Variants in CDK5RAP2 observed in about 807,000 individuals in gnomAD.
CDK5RAP2 encodes the protein CDK5 regulatory subunit associated protein 2.
CDK5RAP2 carries 147 observed loss-of-function variants against 232.9 expected under a neutral mutation model. The observed-to-expected ratio is 0.63, with a 90% CI of 0.55 to 0.72. The LOEUF (loss-of-function observed/expected upper bound fraction) is 0.72, where lower values mean the gene tolerates loss of function less well. Ranked by LOEUF, CDK5RAP2 falls within the 30% of genes least tolerant of loss-of-function variation. The pLI is 0.00. For synonymous variants in CDK5RAP2, 833 were observed against 833.7 expected, an observed-to-expected ratio of 1.00 and a Z score of 0.01; for missense variants, 2,195 against 2,231.5, an observed-to-expected ratio of 0.98 and a Z score of 0.33.
At position 120,392,619 on chromosome 9, in the gene CDK5RAP2, C is replaced by T. The variant is rs558258152; in HGVS notation, c.5578+1893G>A. Among the ~76,000 whole-genome samples the T allele has an allele frequency of 6.6e-5, 10 of 152,312 alleles. No individual in the cohort carries two copies. The East Asian group carries it at 1.9e-3, about 29-fold the overall frequency. The stretch of plus-strand genomic sequence containing the variant: ...CTATGCAGAGCATTGCTCCCCACCC[C>T]ACTGCTGCTCCAAGAGTCTAACCTA... On this transcript the variant is annotated intron_variant, in intron 36 of 37. Coordinates refer to ENST00000349780, the MANE Select transcript of CDK5RAP2 (RefSeq NM_018249.6).
chr9:120,545,438 G>C (rs2132023868), intron 5 of CDK5RAP2, among the ~76,000 whole-genome samples: 1 of 152,336 alleles, frequency 6.6e-6, no homozygotes, highest in Middle Eastern at 3.4e-3. Flanking sequence ...CTTCTGGGGG[G>C]CTGGCATGTT....
chr9:120,491,329 T>C lies in CDK5RAP2; in HGVS notation c.1460A>G (p.Asn487Ser). Residue 487 changes from asparagine to serine, a missense_variant, in exon 13 of 38, where the codon AAT becomes AGT. By Grantham distance (46) the Asn-to-Ser change is conservative. Transcript: ENST00000349780. ...TACCTGAAGCAACACGTCCTTCTGA[T>C]TGGTACTTTCTGTTAGATGTTTGAT... ...QVIKHLTESTNQKDVLLQKFN... is the reference protein window; with the variant it reads ...QVIKHLTESTSQKDVLLQKFN... 2 of 1,613,518 alleles carry C rather than the reference T, an allele frequency of 1.2e-6. No homozygotes were observed. The highest frequency in any genetic ancestry group is 1.7e-6 in the Non-Finnish European group (2 of 1,179,636).
intron 14 of CDK5RAP2, among the ~76,000 whole-genome samples, chr9:120,481,923 G>C (rs1450777013): frequency 6.6e-6 from 1 of 152,192 alleles, no homozygotes; most frequent in African/African-American, 2.4e-5. Flanking sequence ...ATGATGCCCG[G>C]CTTGAGGCAA....
At chr9:120,548,404 A>G (rs934009916) in intron 4 of CDK5RAP2, among the ~76,000 whole-genome samples, 2 of 152,202 alleles carry the variant, frequency 1.3e-5, no homozygotes, top group African/African-American at 4.8e-5. Context: ...CCATTCGGTT[A>G]TTTTTCTCAA....
intron 1 of CDK5RAP2, among the ~76,000 whole-genome samples, chr9:120,578,956 C>A (rs1188663495): frequency 6.6e-6 from 1 of 152,204 alleles, no homozygotes; most frequent in Non-Finnish European, 1.5e-5. Context: ...GCAGCTTGTC[C>A]ATAGTAGAGC....
intron 3 of CDK5RAP2, among the ~76,000 whole-genome samples, chr9:120,556,171 T>A (rs541560775): frequency 1.3e-5 from 2 of 152,322 alleles, no homozygotes; most frequent in South Asian, 2.1e-4. Context: ...CACACATACA[T>A]ACATATAGAT....
At chr9:120,503,033 T>G (rs1287042256) in intron 12 of CDK5RAP2, among the ~76,000 whole-genome samples, 5 of 152,174 alleles carry the variant, frequency 3.3e-5, no homozygotes, top group Non-Finnish European at 7.3e-5. Flanking sequence ...TTCACAAAGC[T>G]TTACAAAAGC....
intron 12 of CDK5RAP2, among the ~76,000 whole-genome samples, chr9:120,501,124 C>A (rs1345136121): frequency 2.0e-5 from 3 of 152,200 alleles, no homozygotes; most frequent in African/African-American, 7.2e-5. Context: ...ATCAGCTAGA[C>A]CCCCCTGACC....
intron 25 of CDK5RAP2, among the ~76,000 whole-genome samples, chr9:120,429,307 G>A (rs1250303183): frequency 6.6e-6 from 1 of 151,756 alleles, no homozygotes; most frequent in Non-Finnish European, 1.5e-5. Flanking sequence ...TAGGAAAAGA[G>A]GAAGTCAAAT....
chr9:120,429,688 G>A (rs1260805196), intron 25 of CDK5RAP2, among the ~76,000 whole-genome samples: 1 of 152,136 alleles, frequency 6.6e-6, no homozygotes. Flanking sequence ...TACTGCTCAA[G>A]GTAATTTATA....
At chr9:120,473,336 C>CA (rs879693992) in intron 15 of CDK5RAP2, among the ~76,000 whole-genome samples, 1 of 152,220 alleles carries the variant, frequency 6.6e-6, no homozygotes, top group Non-Finnish European at 1.5e-5. Context: ...AAATTATCTG[C>CA]AAAAAATGAA....
chr9:120,548,977 G>T (rs1332788108), intron 4 of CDK5RAP2, among the ~76,000 whole-genome samples: 1 of 152,038 alleles, frequency 6.6e-6, no homozygotes, highest in Non-Finnish European at 1.5e-5. Context: ...GAGAACATGG[G>T]GAAACCCCAT....
At chr9:120,490,408 G>C (rs2038842284) in intron 13 of CDK5RAP2, among the ~76,000 whole-genome samples, 1 of 152,224 alleles carries the variant, frequency 6.6e-6, no homozygotes, top group Non-Finnish European at 1.5e-5. Flanking sequence ...CCCATGGCCA[G>C]AGATTCTCTG....
intron 18 of CDK5RAP2, 74 bp downstream of exon 18, chr9:120,467,786 C>A: frequency 2.0e-6 from 3 of 1,520,588 alleles, no homozygotes; most frequent in Non-Finnish European, 2.7e-6. Flanking sequence ...GCTGGGATTA[C>A]AGGCGTGAGC....
At chr9:120,404,890 T>C (rs1386977863) in intron 32 of CDK5RAP2, among the ~76,000 whole-genome samples, 1 of 152,190 alleles carries the variant, frequency 6.6e-6, no homozygotes, top group Non-Finnish European at 1.5e-5. Flanking sequence ...CACTTTCACA[T>C]ATGAAAAGCT....
At position 120,580,134 on chromosome 9, in the gene CDK5RAP2, C is replaced by T. The variant is rs2043192715; in HGVS notation, c.-156G>A. ...CCGCTGGAATTCAAACCACAGACGC[C>T]GCCATCTTTCCCGGCGCTTCTTCCT... On this transcript the variant is annotated 5_prime_UTR_variant, in exon 1 of 38. Coordinates refer to ENST00000349780, the MANE Select transcript of CDK5RAP2 (RefSeq NM_018249.6). 2 of 588,628 alleles carry T rather than the reference C, an allele frequency of 3.4e-6. No individual in the cohort carries two copies. The highest frequency in any genetic ancestry group is 2.1e-5 in the South Asian group (1 of 46,788). 36.5% of individuals were successfully genotyped at this position (588,628 alleles called of 1,614,324 possible).
intron 1 of CDK5RAP2, among the ~76,000 whole-genome samples, chr9:120,578,467 G>A (rs534119165): frequency 6.6e-6 from 1 of 152,060 alleles, no homozygotes; most frequent in South Asian, 2.1e-4. Context: ...CCTCATACAT[G>A]AAGGTTCTCA....
At chr9:120,570,149 C>T (rs576976293) in intron 2 of CDK5RAP2, among the ~76,000 whole-genome samples, 2 of 152,020 alleles carry the variant, frequency 1.3e-5, no homozygotes, top group Non-Finnish European at 1.5e-5. Flanking sequence ...GCATGGTGTT[C>T]GGAAACCACT....
intron 3 of CDK5RAP2, among the ~76,000 whole-genome samples, chr9:120,563,938 A>G (rs2042550812): frequency 6.6e-6 from 1 of 152,248 alleles, no homozygotes; most frequent in Admixed American, 6.5e-5. Flanking sequence ...GAATGCCAAC[A>G]TCTCAGGGCA....
Sources: gnomAD v4.1 joint callset for allele counts (sites outside exome capture counted in the v4.1 genomes callset) on GRCh38, gnomAD v4.1.1 for gene constraint, MANE v1.5 for transcripts, NCBI Gene and HGNC (gene_info 2026-07-23, HGNC 2026-07-21) for gene names.